ZNF407: variants seen among roughly 807,000 people sequenced by gnomAD.
ZNF407 encodes the protein zinc finger protein 407.
Under a neutral mutation model 131.2 loss-of-function variants are expected in ZNF407, and 17 were observed. The ratio of observed to expected loss-of-function variants is 0.13; its 90% CI spans 0.09 to 0.19. The LOEUF (loss-of-function observed/expected upper bound fraction) is 0.19. Ranked by LOEUF, ZNF407 falls within the 10% of genes least tolerant of loss-of-function variation. ZNF407 has a pLI of 1.00. For synonymous variants in ZNF407, 1,156 were observed against 1,062.0 expected, an observed-to-expected ratio of 1.09 and a Z score of -1.72; for missense variants, 2,681 against 2,830.6, an observed-to-expected ratio of 0.95 and a Z score of 1.20.
chr18:75,019,105 A>T (rs559057073), intron 8 of ZNF407, among the ~76,000 whole-genome samples: 1 of 152,276 alleles, frequency 6.6e-6, no homozygotes, highest in South Asian at 2.1e-4. Flanking sequence ...ATCTCAAAGG[A>T]TGCCAAAAGG....
chr18:74,676,493 G>T (rs1031936115), intron 3 of ZNF407, among the ~76,000 whole-genome samples: 8 of 149,294 alleles, frequency 5.4e-5, no homozygotes, highest in Non-Finnish European at 1.0e-4. Flanking sequence ...CTGGAGTGCA[G>T]TGGCGGGATC....
chr18:75,044,944 T>C (rs1441229837), intron 8 of ZNF407, among the ~76,000 whole-genome samples: 1 of 152,192 alleles, frequency 6.6e-6, no homozygotes, highest in Non-Finnish European at 1.5e-5. Context: ...GCAAATTCCA[T>C]TACAGCAAAG....
intron 5 of ZNF407, among the ~76,000 whole-genome samples, chr18:74,878,474 A>G (rs902104455): frequency 6.6e-6 from 1 of 152,150 alleles, no homozygotes; most frequent in African/African-American, 2.4e-5. Flanking sequence ...CTGAGAGATC[A>G]CTTATATCGA....
At chr18:74,609,808 C>A (rs1002647692) in intron 1 of ZNF407, among the ~76,000 whole-genome samples, 5 of 152,134 alleles carry the variant, frequency 3.3e-5, no homozygotes, top group Admixed American at 6.5e-5. Context: ...CATTGTTGAC[C>A]AAAACATCAT....
chr18:74,793,436 C>G (rs1969862668), intron 4 of ZNF407, among the ~76,000 whole-genome samples: 1 of 152,160 alleles, frequency 6.6e-6, no homozygotes. Flanking sequence ...AGATCCACAC[C>G]ATATGCTTGA....
chr18:75,023,098 A>G (rs1030312086), intron 8 of ZNF407, among the ~76,000 whole-genome samples: 3 of 152,222 alleles, frequency 2.0e-5, no homozygotes, highest in East Asian at 3.9e-4. Flanking sequence ...CAAACACCAC[A>G]TGTTCTCACT....
chr18:74,830,259 A>T (rs927841311), intron 4 of ZNF407, among the ~76,000 whole-genome samples: 3 of 152,128 alleles, frequency 2.0e-5, no homozygotes, highest in Non-Finnish European at 4.4e-5. Context: ...GTACACCCAC[A>T]TTTTAACCTT....
intron 8 of ZNF407, chr18:75,061,957 T>C (rs1387139949): frequency 2.0e-5 from 3 of 152,338 alleles, no homozygotes; most frequent in Non-Finnish European, 4.4e-5. Flanking sequence ...TACAGTCCTG[T>C]AGTTTTCCTG....
At chr18:74,699,551 A>G (rs1390511936) in intron 3 of ZNF407, among the ~76,000 whole-genome samples, 1 of 152,062 alleles carries the variant, frequency 6.6e-6, no homozygotes, top group African/African-American at 2.4e-5. Flanking sequence ...GACCAGTTTC[A>G]TTTGTTGGCA....
Position 74,657,221 on chromosome 18 carries a change from G to A in ZNF407, c.4802+16099G>A, listed in dbSNP as rs575817423. Among the ~76,000 whole-genome samples the A allele has an allele frequency of 2.0e-5, 3 of 151,920 alleles. No homozygotes were observed. The South Asian group carries it at 6.2e-4, about 32-fold the overall frequency. ...TCAAGCCCGTGGAAACTAAAATTGA[G>A]GGTAATTTCTTGAAATATTTTTTGT... On this transcript the variant is annotated intron_variant, in intron 3 of 8. Coordinates refer to ENST00000299687, the MANE Select transcript of ZNF407 (RefSeq NM_017757.3).
intron 1 of ZNF407, among the ~76,000 whole-genome samples, chr18:74,610,032 T>C (rs566340279): frequency 6.6e-6 from 1 of 152,364 alleles, no homozygotes; most frequent in East Asian, 1.9e-4. Flanking sequence ...CCGGAGCACA[T>C]TGGAAGAAAC....
chr18:74,631,690 C>T lies in ZNF407; in HGVS notation c.671C>T (p.Ala224Val), dbSNP rs1332425298. Residue 224 changes from alanine (A) to valine (V), a missense_variant, in exon 2 of 9, where the codon GCA (alanine) becomes GTA (valine). This residue lies in a region of ZNF407 where 1,789 missense variants were observed against 1,748.7 expected (regional missense o/e 1.02). Transcript: ENST00000299687. ...ACCTGTTGTCACTGCAGCCACAAAG[C>T]AGAGAGCAGCTCAGCACTACATATG... ...EHTCCHCSHKAESSSALHMHI... is the reference protein window; with the variant it reads ...EHTCCHCSHKVESSSALHMHI... 3 of 1,613,886 alleles carry T rather than the reference C, an allele frequency of 1.9e-6. No individual in the cohort carries two copies. The highest frequency in any genetic ancestry group is 2.5e-6 in the Non-Finnish European group (3 of 1,179,896).
intron 3 of ZNF407, among the ~76,000 whole-genome samples, chr18:74,648,772 C>A (rs1305093869): frequency 6.6e-6 from 1 of 152,192 alleles, no homozygotes; most frequent in Admixed American, 6.5e-5. Flanking sequence ...GTAACTAATA[C>A]CATGGTACCA....
At chr18:74,599,091 C>G (rs1034223357) in intron 1 of ZNF407, among the ~76,000 whole-genome samples, 5 of 152,198 alleles carry the variant, frequency 3.3e-5, no homozygotes, top group African/African-American at 1.2e-4. Flanking sequence ...ATATACTCAT[C>G]AGAACCTTAT....
At chr18:74,835,289 C>T (rs747615784) in intron 4 of ZNF407, among the ~76,000 whole-genome samples, 1 of 152,200 alleles carries the variant, frequency 6.6e-6, no homozygotes, top group Non-Finnish European at 1.5e-5. Flanking sequence ...GATTTTCCTT[C>T]GTGCCACTTT....
chr18:74,684,034 A>G lies in ZNF407; in HGVS notation c.4802+42912A>G, dbSNP rs552884390. The stretch of plus-strand genomic sequence containing the variant: ...TCATAGAACTGTGGTTGTTAGTGCT[A>G]TAATGTTTTCTGTGATATCATATAT... On this transcript the variant is annotated intron_variant, in intron 3 of 8. Coordinates refer to ENST00000299687, the MANE Select transcript of ZNF407 (RefSeq NM_017757.3). Among the ~76,000 whole-genome samples the G allele has an allele frequency of 4.6e-5, 7 of 152,322 alleles. No homozygotes were observed. In the South Asian group the frequency reaches 6.2e-4, roughly 14 times the overall value.
intron 8 of ZNF407, among the ~76,000 whole-genome samples, chr18:75,015,683 T>A (rs371856485): frequency 1.3e-5 from 2 of 151,568 alleles, no homozygotes; most frequent in East Asian, 3.9e-4. Context: ...ATGGAAAGGC[T>A]TTTTACCGTG....
intron 1 of ZNF407, among the ~76,000 whole-genome samples, chr18:74,625,837 TTCTAGGC>T (rs1983763196): frequency 6.6e-6 from 1 of 152,210 alleles, no homozygotes; most frequent in Non-Finnish European, 1.5e-5. Flanking sequence ...CTTGGAACTG[TTCTAGGC>T]TCTTGGGATA....
chr18:74,988,845 A>T, intron 8 of ZNF407, among the ~76,000 whole-genome samples: 1 of 152,184 alleles, frequency 6.6e-6, no homozygotes, highest in East Asian at 1.9e-4. Flanking sequence ...GGATGTAGTC[A>T]TCTAGAATTT....
Sources: allele counts gnomAD v4.1 joint callset (sites outside exome capture counted in the v4.1 genomes callset), GRCh38; gene constraint gnomAD v4.1.1; regional missense constraint gnomAD v4.1.1; transcripts MANE v1.5; gene names NCBI Gene and HGNC (gene_info 2026-07-23, HGNC 2026-07-21).